Variants in CYP7B1 observed in about 807,000 individuals in gnomAD.
CYP7B1 encodes cytochrome P450 family 7 subfamily B member 1, also known as cytochrome P450 7B1.
In CYP7B1, 29 loss-of-function variants were observed where a neutral mutation model predicts 42.7. The ratio of observed to expected loss-of-function variants is 0.68; its 90% CI spans 0.51 to 0.93. The LOEUF is 0.93. Ranked by LOEUF, CYP7B1 falls within the 40% of genes least tolerant of loss-of-function variation. The pLI is 0.00. For synonymous variants in CYP7B1, 235 were observed against 218.2 expected (o/e 1.08, Z -0.68); for missense variants, 655 against 600.5 (o/e 1.09, Z -0.95).
At chr8:64,730,751 GCACACACACACA>G (rs61050207) in intron 1 of CYP7B1, among the ~76,000 whole-genome samples, 3 of 142,972 alleles carry the variant, frequency 2.1e-5, no homozygotes, top group East Asian at 2.1e-4. Context: ...AGGACTGTCT[GCACACACACACA>G]CACACACACA....
chr8:64,740,113 G>A (rs562617949), intron 1 of CYP7B1, among the ~76,000 whole-genome samples: 21 of 152,082 alleles, frequency 1.4e-4, no homozygotes, highest in African/African-American at 4.1e-4. Flanking sequence ...AGAAAAACCC[G>A]TAAAATAAAC....
intron 1 of CYP7B1, among the ~76,000 whole-genome samples, chr8:64,702,340 T>C (rs1448400002): frequency 6.6e-6 from 1 of 152,028 alleles, no homozygotes; most frequent in East Asian, 1.9e-4. Context: ...AAAATGAGAT[T>C]TCACTAGCTT....
intron 1 of CYP7B1, among the ~76,000 whole-genome samples, chr8:64,716,684 G>A (rs1320338330): frequency 6.6e-6 from 1 of 152,140 alleles, no homozygotes; most frequent in Non-Finnish European, 1.5e-5. Context: ...TCCAGCTCGG[G>A]CAACAGAGAG....
intron 2 of CYP7B1, among the ~76,000 whole-genome samples, chr8:64,621,412 G>C (rs1369116718): frequency 6.6e-6 from 1 of 152,238 alleles, no homozygotes; most frequent in Non-Finnish European, 1.5e-5. Context: ...AAAGGCTCTT[G>C]AGAGGAAGCA....
intron 1 of CYP7B1, among the ~76,000 whole-genome samples, chr8:64,677,706 GTTTTTTTTTTTTTTTT>G (rs11435388): frequency 1.2e-5 from 1 of 86,400 alleles, no homozygotes. Flanking sequence ...ACACTCCTTG[GTTTTTTTTTTTTTTTT>G]TTTTTTTTTT....
intron 1 of CYP7B1, among the ~76,000 whole-genome samples, chr8:64,780,429 T>G (rs566983008): frequency 3.4e-4 from 51 of 152,168 alleles, no homozygotes; most frequent in African/African-American, 1.2e-3. Flanking sequence ...GACAATGAAT[T>G]TAAATCCTGT....
intron 1 of CYP7B1, among the ~76,000 whole-genome samples, chr8:64,729,213 T>C (rs769209537): frequency 6.6e-6 from 1 of 152,176 alleles, no homozygotes; most frequent in Non-Finnish European, 1.5e-5. Context: ...AATGTAAATA[T>C]GTATTTCAGA....
chr8:64,738,317 A>G (rs1473806730), intron 1 of CYP7B1, among the ~76,000 whole-genome samples: 2 of 152,146 alleles, frequency 1.3e-5, no homozygotes, highest in African/African-American at 4.8e-5. Context: ...AGTTTTTTCA[A>G]AAACTGAATT....
At chr8:64,736,761 T>C (rs1025544134) in intron 1 of CYP7B1, among the ~76,000 whole-genome samples, 1 of 152,188 alleles carries the variant, frequency 6.6e-6, no homozygotes, top group Admixed American at 6.5e-5. Flanking sequence ...AATTTTTTTT[T>C]AATTCCTGGG....
At chr8:64,714,193 C>G (rs1231103942) in intron 1 of CYP7B1, among the ~76,000 whole-genome samples, 1 of 152,158 alleles carries the variant, frequency 6.6e-6, no homozygotes, top group African/African-American at 2.4e-5. Context: ...AACATTAACA[C>G]TTTAAGACTC....
intron 1 of CYP7B1, among the ~76,000 whole-genome samples, chr8:64,689,573 G>GTT (rs796437204): frequency 2.0e-5 from 3 of 146,792 alleles, no homozygotes; most frequent in African/African-American, 2.5e-5. Flanking sequence ...TTTGATTCCA[G>GTT]TTTTTTTTTT....
chr8:64,670,537 C>T (rs959164546), intron 1 of CYP7B1, among the ~76,000 whole-genome samples: 10 of 152,010 alleles, frequency 6.6e-5, no homozygotes, highest in African/African-American at 2.2e-4. Flanking sequence ...GTCACCTTCC[C>T]CACCCAATTA....
chr8:64,793,467 T>G (rs2129729293), intron 1 of CYP7B1, among the ~76,000 whole-genome samples: 1 of 152,318 alleles, frequency 6.6e-6, no homozygotes, highest in East Asian at 1.9e-4. Flanking sequence ...TAGATTATTT[T>G]TATATGTTAT....
chr8:64,646,246 A>G (rs1342917966), intron 1 of CYP7B1, among the ~76,000 whole-genome samples: 4 of 152,068 alleles, frequency 2.6e-5, no homozygotes, highest in Non-Finnish European at 5.9e-5. Flanking sequence ...AGAAACTACC[A>G]TCAGAGTGAA....
At chr8:64,613,491 G>A (rs1240576377) in intron 4 of CYP7B1, among the ~76,000 whole-genome samples, 13 of 151,922 alleles carry the variant, frequency 8.6e-5, no homozygotes, top group African/African-American at 2.2e-4. Context: ...CCCAGTATGC[G>A]TCATCTTATT....
chr8:64,714,867 C>G (rs959437120), intron 1 of CYP7B1, among the ~76,000 whole-genome samples: 7 of 152,038 alleles, frequency 4.6e-5, no homozygotes, highest in African/African-American at 1.7e-4. Context: ...TGCAGAGAGA[C>G]AGGATGTCTT....
Position 64,596,634 on chromosome 8 carries a change from T to A in CYP7B1, c.*8A>T. The stretch of plus-strand genomic sequence containing the variant: ...TTGATAGATTTATTTTCTTTCCTTT[T>A]AGCTTCTCTAAGATTTCACTTTGTA... On this transcript the variant is annotated 3_prime_UTR_variant, in exon 6 of 6. Transcript: ENST00000310193. The A allele has an allele frequency of 6.2e-7, 1 of 1,607,854 alleles. No individual in the cohort carries two copies. The highest frequency in any genetic ancestry group is 8.5e-7 in the Non-Finnish European group (1 of 1,176,020).
chr8:64,643,695 G>A lies in CYP7B1; in HGVS notation c.123-19156C>T, dbSNP rs1049167858. On this transcript the variant is annotated intron_variant, in intron 1 of 5. Coordinates refer to ENST00000310193, the MANE Select transcript of CYP7B1 (RefSeq NM_004820.5). ...AACTTTTCAAAATTGGAGTCAATTC[G>A]CTCAAACCCTGTTGCTGCTTTATCA... Among the ~76,000 whole-genome samples, 4 of 152,148 alleles carry A rather than the reference G, an allele frequency of 2.6e-5. No homozygotes were observed. In the East Asian group the frequency reaches 5.8e-4, roughly 22 times the overall value.
At chr8:64,777,071 T>C (rs1804338046) in intron 1 of CYP7B1, among the ~76,000 whole-genome samples, 2 of 151,884 alleles carry the variant, frequency 1.3e-5, no homozygotes, top group African/African-American at 4.8e-5. Flanking sequence ...ATATATCTTT[T>C]GTTATTGGGA....
Sources: gnomAD v4.1 joint callset for allele counts (sites outside exome capture counted in the v4.1 genomes callset) on GRCh38, gnomAD v4.1.1 for gene constraint, MANE v1.5 for transcripts, NCBI Gene and HGNC (gene_info 2026-07-23, HGNC 2026-07-21) for gene names.